Variants in IL1RAPL1 observed in about 807,000 individuals in gnomAD.
The protein encoded by IL1RAPL1 is interleukin 1 receptor accessory protein like 1, also known as interleukin-1 receptor accessory protein-like 1.
IL1RAPL1 carries 3 observed loss-of-function variants against 48.4 expected under a neutral mutation model. The ratio of observed to expected loss-of-function variants is 0.06; its 90% CI spans 0.03 to 0.16. IL1RAPL1 has a LOEUF of 0.16. Ranked by LOEUF, IL1RAPL1 falls within the 10% of genes least tolerant of loss-of-function variation. The pLI is 1.00. For missense variants in IL1RAPL1, 349 were observed against 530.6 expected, an observed-to-expected ratio of 0.66 and a Z score of 3.36; for synonymous variants, 185 against 187.7, an observed-to-expected ratio of 0.99 and a Z score of 0.12.
chrX:29,759,900 CA>C (rs754591234), intron 6 of IL1RAPL1, among the ~76,000 whole-genome samples: 89 of 111,246 alleles, frequency 8.0e-4, no homozygotes, highest in Non-Finnish European at 1.5e-3. Flanking sequence ...GGGTAATGGC[CA>C]GTTATTTACC....
At position 28,820,011 on chromosome X, in the gene IL1RAPL1, T is replaced by TATAC. The variant is rs1555926915; in HGVS notation, c.82+30589_82+30592dup. Among the ~76,000 whole-genome samples the TATAC allele has an allele frequency of 7.8e-5, 6 of 76,452 alleles. No individual in the cohort carries two copies. In the East Asian group the frequency reaches 1.7e-3, roughly 22 times the overall value. The allele number at this position is 76,452 out of a possible 115,157, so 66.4% of individuals were successfully genotyped here. A position where few individuals can be genotyped will look rare whatever the true frequency, so the allele number is the denominator to read the frequency against. Reference sequence around the variant, plus strand: ...ATATATATATATATATATATATATATATACATGTACTGTATCTACAAATGA... The same window carrying TATAC: ...ATATATATATATATATATATATATATATACATACATGTACTGTATCTACAAATGA... On this transcript the variant is annotated intron_variant, in intron 2 of 10. Transcript: ENST00000378993.
chrX:28,667,413 G>A (rs1022148231), intron 1 of IL1RAPL1, among the ~76,000 whole-genome samples: 5 of 112,087 alleles, frequency 4.5e-5, no homozygotes, highest in Non-Finnish European at 9.4e-5. Flanking sequence ...GGTTCATGTT[G>A]CCTCGCATGT....
At chrX:29,795,347 C>T (rs1034793845) in intron 6 of IL1RAPL1, among the ~76,000 whole-genome samples, 26 of 112,014 alleles carry the variant, frequency 2.3e-4, no homozygotes, top group African/African-American at 8.1e-4. Context: ...TCTTAAATTT[C>T]AACCATATAA....
intron 6 of IL1RAPL1, among the ~76,000 whole-genome samples, chrX:29,898,565 G>C (rs1054476877): frequency 4.5e-5 from 5 of 112,089 alleles, no homozygotes; most frequent in Non-Finnish European, 9.4e-5. Flanking sequence ...AAAAGAGTTA[G>C]ATATGCTTAT....
intron 1 of IL1RAPL1, chrX:28,659,498 C>T (rs1319214941): frequency 2.1e-6 from 1 of 483,378 alleles, no homozygotes; most frequent in Non-Finnish European, 3.8e-6. Flanking sequence ...CTTAACCACC[C>T]TTCTCCTTCG....
intron 5 of IL1RAPL1, among the ~76,000 whole-genome samples, chrX:29,533,627 G>A (rs1268694141): frequency 1.8e-5 from 2 of 111,300 alleles, no homozygotes; most frequent in African/African-American, 3.3e-5. Context: ...TGGAATTGTT[G>A]GGTCATATGT....
At chrX:28,649,541 G>T (rs1934659522) in intron 1 of IL1RAPL1, among the ~76,000 whole-genome samples, 2 of 112,707 alleles carry the variant, frequency 1.8e-5, no homozygotes, top group African/African-American at 6.4e-5. Context: ...GATTACTAAT[G>T]GGAAATAGTG....
intron 1 of IL1RAPL1, among the ~76,000 whole-genome samples, chrX:28,633,191 A>G (rs1569142157): frequency 9.0e-6 from 1 of 111,115 alleles, no homozygotes; most frequent in East Asian, 2.8e-4. Context: ...ACTTTGCTAC[A>G]CTGTACTCTT....
chrX:29,847,473 A>G (rs1034569112), intron 6 of IL1RAPL1, among the ~76,000 whole-genome samples: 1 of 112,272 alleles, frequency 8.9e-6, no homozygotes, highest in Non-Finnish European at 1.9e-5. Flanking sequence ...TAAAAATTTT[A>G]AAAAACAAAA....
intron 2 of IL1RAPL1, among the ~76,000 whole-genome samples, chrX:28,995,857 G>A (rs1300647911): frequency 9.1e-6 from 1 of 109,314 alleles, no homozygotes; most frequent in Non-Finnish European, 1.9e-5. Flanking sequence ...CTTCCTTTGC[G>A]TTAATGCAAA....
At chrX:29,345,288 CA>C (rs1056866854) in intron 3 of IL1RAPL1, among the ~76,000 whole-genome samples, 1 of 111,486 alleles carries the variant, frequency 9.0e-6, no homozygotes, top group Non-Finnish European at 1.9e-5. Context: ...ATTTTCTCAC[CA>C]GTAGGATATG....
intron 5 of IL1RAPL1, among the ~76,000 whole-genome samples, chrX:29,578,615 A>C (rs1432985034): frequency 2.7e-5 from 3 of 111,388 alleles, no homozygotes; most frequent in Non-Finnish European, 5.7e-5. Context: ...AATGATCTTA[A>C]ATTTTTAAGA....
intron 6 of IL1RAPL1, among the ~76,000 whole-genome samples, chrX:29,884,013 T>A (rs755152062): frequency 8.9e-6 from 1 of 111,838 alleles, no homozygotes; most frequent in African/African-American, 3.2e-5. Context: ...CTTTCCTCAG[T>A]TGTCACCTCT....
chrX:29,412,220 G>A (rs977859282), intron 5 of IL1RAPL1, among the ~76,000 whole-genome samples: 10 of 110,284 alleles, frequency 9.1e-5, no homozygotes, highest in Admixed American at 2.0e-4. Flanking sequence ...GCAGTGAGCC[G>A]AGATCAAACC....
chrX:29,221,703 A>G (rs1400097684), intron 2 of IL1RAPL1, among the ~76,000 whole-genome samples: 2 of 108,855 alleles, frequency 1.8e-5, no homozygotes, highest in African/African-American at 6.7e-5. Flanking sequence ...TCTCTGAACT[A>G]CAAGATGCTT....
At chrX:28,640,476 G>T (rs1352238784) in intron 1 of IL1RAPL1, among the ~76,000 whole-genome samples, 1 of 109,530 alleles carries the variant, frequency 9.1e-6, no homozygotes, top group African/African-American at 3.3e-5. Context: ...CTCCTGAGTA[G>T]CTGGGATGAC....
At chrX:29,701,132 G>C (rs1927038160) in intron 6 of IL1RAPL1, among the ~76,000 whole-genome samples, 1 of 111,812 alleles carries the variant, frequency 8.9e-6, no homozygotes, top group Non-Finnish European at 1.9e-5. Context: ...TGTATTTTAT[G>C]CTTCAAAGAA....
chrX:28,953,231 A>G (rs1043189902), intron 2 of IL1RAPL1, among the ~76,000 whole-genome samples: 2 of 111,516 alleles, frequency 1.8e-5, no homozygotes, highest in African/African-American at 3.2e-5. Flanking sequence ...AATTTCAGCT[A>G]TAGTCTAAAA....
intron 2 of IL1RAPL1, among the ~76,000 whole-genome samples, chrX:29,143,956 A>T (rs955842981): frequency 1.8e-5 from 2 of 111,806 alleles, no homozygotes; most frequent in African/African-American, 6.5e-5. Flanking sequence ...GGAGCTCTTG[A>T]GTATGAATAT....
Sources: allele counts gnomAD v4.1 joint callset (sites outside exome capture counted in the v4.1 genomes callset), GRCh38; gene constraint gnomAD v4.1.1; transcripts MANE v1.5; gene names NCBI Gene and HGNC (gene_info 2026-07-23, HGNC 2026-07-21).